Variants in PRSS23 observed in about 807,000 individuals in gnomAD.
The protein encoded by PRSS23 is protease, serine 23.
In PRSS23, 25 loss-of-function variants were observed where a neutral mutation model predicts 34.7. The observed-to-expected ratio is 0.72, with a 90% CI of 0.53 to 1.01. The LOEUF is 1.01. Ranked by LOEUF, PRSS23 falls within the 50% of genes least tolerant of loss-of-function variation. PRSS23 has a pLI of 0.00. For missense variants in PRSS23, 445 were observed against 475.6 expected, an observed-to-expected ratio of 0.94 and a Z score of 0.60; for synonymous variants, 176 against 186.6, an observed-to-expected ratio of 0.94 and a Z score of 0.46.
intron 2 of PRSS23, among the ~76,000 whole-genome samples, chr11:86,904,142 C>T (rs1948928054): frequency 1.3e-5 from 2 of 152,162 alleles, no homozygotes. Flanking sequence ...ACAAATAAAG[C>T]TGCAGAAAAG....
chr11:86,832,559 C>A, intron 2 of PRSS23: 1 of 454,198 alleles, frequency 2.2e-6, no homozygotes, highest in Non-Finnish European at 4.4e-6. Context: ...CCACAGGACC[C>A]TTTTGATGTC....
chr11:86,940,075 TGAGTCCCGAA>T (rs1565393064), intron 2 of PRSS23, among the ~76,000 whole-genome samples: 2 of 152,158 alleles, frequency 1.3e-5, no homozygotes, highest in South Asian at 2.1e-4. Context: ...TAGAAAACTC[TGAGTCCCGAA>T]GAGCTGGTGG....
chr11:86,896,701 C>G (rs985247378), intron 2 of PRSS23, among the ~76,000 whole-genome samples: 2 of 152,238 alleles, frequency 1.3e-5, no homozygotes, highest in African/African-American at 4.8e-5. Flanking sequence ...GATTCCTACT[C>G]AGACTAATCT....
intron 2 of PRSS23, chr11:86,837,319 G>T (rs1234060574): frequency 6.6e-6 from 1 of 152,214 alleles, no homozygotes; most frequent in African/African-American, 2.4e-5. Context: ...AATTATAGTT[G>T]ATAGTTCATA....
chr11:86,808,701 A>G lies in PRSS23; in HGVS notation c.1058A>G (p.Gln353Arg), dbSNP rs373136669. ...TGGGTGGACATGAATGGTTCCCCAC[A>G]GGATTTCAACGTGGCTGTCAGAATC... The part of the protein sequence containing the change: ...HQWVDMNGSP[Q>R]DFNVAVRITP... Residue 353 changes from glutamine (Q) to arginine (R), a missense_variant, in exon 2 of 2, where the codon CAG becomes CGG. Gln to Arg is a conservative substitution (Grantham distance 43). Coordinates refer to ENST00000280258, the MANE Select transcript of PRSS23 (RefSeq NM_007173.6). 5.0e-6 allele frequency: 8 copies of G among 1,614,082 alleles called. No individual in the cohort carries two copies. Among genetic ancestry groups the G allele is most frequent in the African/African-American group, 2.7e-5 (2 of 74,936 alleles).
chr11:86,821,138 CT>C, intron 1 of PRSS23: 1 of 606,164 alleles, frequency 1.6e-6, no homozygotes, highest in Non-Finnish European at 2.5e-6. Context: ...CCATGATTCC[CT>C]TCATGCTTCA....
chr11:86,807,559 T>G (rs1948115789), intron 1 of PRSS23, 72 bp from the exon 2 acceptor site: 1,172 of 1,332,668 alleles, frequency 8.8e-4, no homozygotes, highest in Non-Finnish European at 1.1e-3. Flanking sequence ...GGCCTGCTGC[T>G]GAGCTTTGCT....
chr11:86,928,217 AAT>A (rs538992435), intron 2 of PRSS23, among the ~76,000 whole-genome samples: 4 of 129,992 alleles, frequency 3.1e-5, no homozygotes, highest in African/African-American at 5.9e-5. Flanking sequence ...TATACTTATA[AAT>A]ATATATGTAT....
At chr11:86,862,217 C>T (rs1590900124) in intron 2 of PRSS23, among the ~76,000 whole-genome samples, 1 of 151,948 alleles carries the variant, frequency 6.6e-6, no homozygotes, top group South Asian at 2.1e-4. Context: ...GGAGATATTA[C>T]TCCTAATTTC....
At chr11:86,856,005 A>G (rs537422947) in intron 2 of PRSS23, among the ~76,000 whole-genome samples, 2 of 152,324 alleles carry the variant, frequency 1.3e-5, no homozygotes, top group South Asian at 4.1e-4. Flanking sequence ...TTTTAAAAAT[A>G]TATATTTTAA....
rs1024516631 is a variant in PRSS23 at position 86,947,456 on chromosome 11, G to C, written c.207-3760G>C. On this transcript the variant is annotated intron_variant, in intron 2 of 2. Transcript: ENST00000533902. ...TTCAGTGACCATGAGGATGAGGGGA[G>C]CCAGAGAGTATAGAGCTAAAAGGTG... The C allele has an allele frequency of 1.3e-5, 2 of 152,302 alleles. No homozygotes were observed. Among genetic ancestry groups the C allele is most frequent in the Admixed American group, 1.3e-4 (2 of 15,284 alleles). 9.4% of individuals were successfully genotyped at this position (152,302 alleles called of 1,614,324 possible). A position where few individuals can be genotyped will look rare whatever the true frequency, so the allele number is the denominator to read the frequency against.
intron 2 of PRSS23, among the ~76,000 whole-genome samples, chr11:86,920,842 C>G (rs972598770): frequency 6.6e-6 from 1 of 152,180 alleles, no homozygotes; most frequent in South Asian, 2.1e-4. Context: ...ACGACCTAGC[C>G]TGGGTAGAAA....
In PRSS23 at chr11:86,858,040, G is replaced by A. The variant is rs72969452; in HGVS notation, c.206+34447G>A. The A allele has an allele frequency of 7.7e-3, 2,053 of 266,008 alleles. 13 individuals carry two copies. The highest frequency in any genetic ancestry group is 0.018 in the Middle Eastern group (13 of 730). The allele number at this position is 266,008 out of a possible 1,614,324, so 16.5% of individuals were successfully genotyped here. ...ATGATATTACTCCCAATATCTAAGG[G>A]AGTGTACCACCCCCTGTGATACTGT... On this transcript the variant is annotated intron_variant, in intron 2 of 2. Transcript: ENST00000533902.
At chr11:86,901,229 C>A (rs1243289781) in intron 2 of PRSS23, among the ~76,000 whole-genome samples, 1 of 152,122 alleles carries the variant, frequency 6.6e-6, no homozygotes, top group East Asian at 1.9e-4. Flanking sequence ...ACACCCTACA[C>A]CTGATGGAGA....
chr11:86,851,192 TA>T (rs1243196089), intron 2 of PRSS23, among the ~76,000 whole-genome samples: 1 of 152,208 alleles, frequency 6.6e-6, no homozygotes, highest in Non-Finnish European at 1.5e-5. Context: ...TCAGAGGTCT[TA>T]ACCATAGCCA....
At chr11:86,820,112 G>T (rs1033067045) in intron 1 of PRSS23, among the ~76,000 whole-genome samples, 1 of 152,134 alleles carries the variant, frequency 6.6e-6, no homozygotes, top group Non-Finnish European at 1.5e-5. Flanking sequence ...AACTTTGTGG[G>T]GAGGGGGTGT....
At chr11:86,814,346 G>A (rs1948200301), downstream of PRSS23, among the ~76,000 whole-genome samples, 1 of 149,990 alleles carries the variant, frequency 6.7e-6, no homozygotes, top group South Asian at 2.1e-4. Context: ...GTTGGGTTCA[G>A]TAGAAGAGAA....
At chr11:86,876,692 G>T (rs1388048652) in intron 2 of PRSS23, among the ~76,000 whole-genome samples, 1 of 149,894 alleles carries the variant, frequency 6.7e-6, no homozygotes, top group Non-Finnish European at 1.5e-5. Flanking sequence ...GCTCATTAAT[G>T]TTGGAAAGAC....
At chr11:86,919,363 G>A (rs1003870110) in intron 2 of PRSS23, among the ~76,000 whole-genome samples, 9 of 152,206 alleles carry the variant, frequency 5.9e-5, no homozygotes, top group African/African-American at 2.2e-4. Context: ...GAGGCCCTGT[G>A]GGCCACTCTC....
Sources: gnomAD v4.1 joint callset for allele counts (sites outside exome capture counted in the v4.1 genomes callset) on GRCh38, gnomAD v4.1.1 for gene constraint, MANE v1.5 for transcripts, NCBI Gene and HGNC (gene_info 2026-07-23, HGNC 2026-07-21) for gene names.